Variants in DPP6 observed in about 807,000 individuals in gnomAD.
The protein encoded by DPP6 is dipeptidyl peptidase like 6, also known as A-type potassium channel modulatory protein DPP6.
Under a neutral mutation model 122.6 loss-of-function variants are expected in DPP6, and 69 were observed. The ratio of observed to expected loss-of-function variants is 0.56; its 90% CI spans 0.46 to 0.69. The LOEUF (loss-of-function observed/expected upper bound fraction) is 0.69. DPP6 is among the 30% of genes least tolerant of loss of function. The pLI is 0.00. For synonymous variants in DPP6, 418 were observed against 433.1 expected, an observed-to-expected ratio of 0.97 and a Z score of 0.43; for missense variants, 928 against 1,116.9, an observed-to-expected ratio of 0.83 and a Z score of 2.41.
chr7:154,604,287 T>C (rs962732682), intron 5 of DPP6, among the ~76,000 whole-genome samples: 3 of 120,500 alleles, frequency 2.5e-5, no homozygotes, highest in Admixed American at 1.9e-4. Context: ...TCTATTTATC[T>C]ATCCTTACAC....
At chr7:154,145,608 G>C (rs10237938) in intron 1 of DPP6, among the ~76,000 whole-genome samples, 90 of 135,542 alleles carry the variant, frequency 6.6e-4, no homozygotes, top group Non-Finnish European at 1.2e-3. Flanking sequence ...ACATCCCTGC[G>C]GAGCAAGGAG....
chr7:154,211,091 C>T (rs1799715984), intron 1 of DPP6, among the ~76,000 whole-genome samples: 1 of 152,210 alleles, frequency 6.6e-6, no homozygotes, highest in East Asian at 1.9e-4. Flanking sequence ...CAGCACTTCC[C>T]AGATGCCTCT....
chr7:154,031,555 C>G lies in DPP6; in HGVS notation c.51+143821C>G, dbSNP rs534759348. Among the ~76,000 whole-genome samples, 368 of 151,454 alleles carry G rather than the reference C, an allele frequency of 2.4e-3. 1 individual carries two copies. The highest frequency in any genetic ancestry group is 8.3e-3 in the African/African-American group (337 of 40,830). On this transcript the variant is annotated intron_variant, in intron 1 of 25. Coordinates refer to the DPP6 transcript ENST00000404039. ...CAGATATCTTGAAATACAACATACTCTCACCATTATTTCAAAGTCATAGTA... is the reference window on the plus strand; with the variant it reads ...CAGATATCTTGAAATACAACATACTGTCACCATTATTTCAAAGTCATAGTA...
intron 1 of DPP6, among the ~76,000 whole-genome samples, chr7:154,348,895 G>T (rs1810612966): frequency 6.6e-6 from 1 of 152,186 alleles, no homozygotes; most frequent in Non-Finnish European, 1.5e-5. Context: ...CCATTTGGCT[G>T]AATGACCCTT....
At chr7:154,372,428 C>T (rs866046976) in intron 1 of DPP6, among the ~76,000 whole-genome samples, 27 of 152,178 alleles carry the variant, frequency 1.8e-4, no homozygotes, top group African/African-American at 6.5e-4. Flanking sequence ...GCCCCCAACA[C>T]GCAGTGCCTG....
At chr7:154,492,608 T>C (rs561298356) in intron 3 of DPP6, among the ~76,000 whole-genome samples, 18 of 152,286 alleles carry the variant, frequency 1.2e-4, no homozygotes, top group Non-Finnish European at 1.3e-4. Context: ...GCTCATTTGA[T>C]ATTCACAACC....
intron 8 of DPP6, among the ~76,000 whole-genome samples, chr7:154,735,396 A>T (rs1842526840): frequency 6.6e-6 from 1 of 152,180 alleles, no homozygotes; most frequent in Non-Finnish European, 1.5e-5. Flanking sequence ...CTTCTAAGGG[A>T]GGATATGAAA....
In DPP6 at chr7:154,807,747, A is replaced by G. The variant is rs534165207; in HGVS notation, c.1666+635A>G. Among the ~76,000 whole-genome samples the G allele has an allele frequency of 5.3e-5, 8 of 152,214 alleles. No homozygotes were observed. In the East Asian group the frequency reaches 9.7e-4, roughly 18 times the overall value. ...TGAGGCAGAAGAATTGCTTGAACCC[A>G]GGAGGTGGAGGTTGCAGTGAGCTGA... On this transcript the variant is annotated intron_variant, in intron 16 of 25. Coordinates refer to ENST00000377770, the MANE Select transcript of DPP6 (RefSeq NM_130797.4).
intron 1 of DPP6, among the ~76,000 whole-genome samples, chr7:153,932,234 C>T (rs1466344866): frequency 6.6e-6 from 1 of 151,876 alleles, no homozygotes; most frequent in Admixed American, 6.6e-5. Flanking sequence ...AATTCTCCTG[C>T]CTCGGCCTCC....
chr7:154,155,265 G>A (rs528737907), intron 1 of DPP6, among the ~76,000 whole-genome samples: 4 of 152,172 alleles, frequency 2.6e-5, no homozygotes, highest in Non-Finnish European at 4.4e-5. Context: ...CCTTGTCCCC[G>A]CCTGCATATG....
At chr7:154,150,497 A>T (rs1344868081) in intron 1 of DPP6, among the ~76,000 whole-genome samples, 3 of 152,236 alleles carry the variant, frequency 2.0e-5, no homozygotes, top group Non-Finnish European at 4.4e-5. Flanking sequence ...TGAGATTGCC[A>T]AGTCAGCCCT....
At chr7:154,490,938 C>G (rs1000614385) in intron 3 of DPP6, among the ~76,000 whole-genome samples, 3 of 152,152 alleles carry the variant, frequency 2.0e-5, no homozygotes, top group Non-Finnish European at 2.9e-5. Context: ...AGGAAGGAGA[C>G]TCCTGTATGA....
At chr7:153,797,609 A>G in the DPP6 span, among the ~76,000 whole-genome samples, 1 of 152,204 alleles carries the variant, frequency 6.6e-6, no homozygotes, top group Non-Finnish European at 1.5e-5. Context: ...AAGCTGACTC[A>G]GCCTGAATTT....
chr7:154,819,039 C>A (rs540026288), intron 16 of DPP6, among the ~76,000 whole-genome samples: 4 of 152,198 alleles, frequency 2.6e-5, no homozygotes, highest in Non-Finnish European at 5.9e-5. Context: ...TGGGCAGTGG[C>A]AGGTATGCTG....
intron 5 of DPP6, among the ~76,000 whole-genome samples, chr7:154,601,021 G>T: frequency 8.3e-6 from 1 of 120,698 alleles, no homozygotes; most frequent in African/African-American, 2.6e-5. Context: ...AACCCTGGAG[G>T]CGGAGGTTGC....
chr7:153,760,758 A>G, the DPP6 span, among the ~76,000 whole-genome samples: 1 of 152,162 alleles, frequency 6.6e-6, no homozygotes, highest in Non-Finnish European at 1.5e-5. Context: ...CTGAGCACGT[A>G]CTATTTTCTG....
intron 2 of DPP6, among the ~76,000 whole-genome samples, chr7:154,460,626 A>G (rs1224794497): frequency 1.3e-5 from 2 of 152,214 alleles, no homozygotes; most frequent in African/African-American, 4.8e-5. Context: ...TTTCACTTTA[A>G]TAAAATCTCT....
chr7:154,066,027 G>A (rs957241771), intron 1 of DPP6, among the ~76,000 whole-genome samples: 1 of 151,382 alleles, frequency 6.6e-6, no homozygotes, highest in Non-Finnish European at 1.5e-5. Context: ...TATCAGCCAC[G>A]GCTAGGTTCA....
At chr7:154,633,515 C>T (rs1401289949) in intron 5 of DPP6, among the ~76,000 whole-genome samples, 5 of 152,150 alleles carry the variant, frequency 3.3e-5, no homozygotes, top group Admixed American at 1.3e-4. Context: ...GGATTACAGG[C>T]GTGAGCCACC....
Sources: allele counts gnomAD v4.1 joint callset (sites outside exome capture counted in the v4.1 genomes callset), GRCh38; gene constraint gnomAD v4.1.1; transcripts MANE v1.5; gene names NCBI Gene and HGNC (gene_info 2026-07-23, HGNC 2026-07-21).